Variants in FRMD3 observed in about 807,000 individuals in gnomAD.
FRMD3 encodes the protein FERM domain-containing protein 3.
In FRMD3, 33 loss-of-function variants were observed where a neutral mutation model predicts 70.2. The ratio of observed to expected loss-of-function variants is 0.47; its 90% CI spans 0.36 to 0.63. The LOEUF (loss-of-function observed/expected upper bound fraction) is 0.63. Among genes scored for constraint, FRMD3 ranks in the 20% least tolerant of loss-of-function variants. The probability of loss-of-function intolerance (pLI) is 0.00; values close to 1 mark genes in which losing one functional copy is unlikely to be tolerated. For synonymous variants in FRMD3, 279 were observed against 255.9 expected, an observed-to-expected ratio of 1.09 and a Z score of -0.86; for missense variants, 632 against 711.4, an observed-to-expected ratio of 0.89 and a Z score of 1.27.
intron 1 of FRMD3, among the ~76,000 whole-genome samples, chr9:83,483,901 G>A (rs1217833547): frequency 6.6e-6 from 1 of 152,024 alleles, no homozygotes; most frequent in African/African-American, 2.4e-5. Context: ...GAATCCAAGG[G>A]CATGTTCTGA....
rs114719310 is a variant in FRMD3, at chr9:83,410,214, G to A, written c.148-20506C>T. On this transcript the variant is annotated intron_variant, in intron 1 of 13. Transcript: ENST00000304195. Reference sequence around the variant, plus strand: ...GGTTTGTTACCCGGGAATACCGCATGATGCTGAGGTTTGGGGTATGACTGA... The same window carrying A: ...GGTTTGTTACCCGGGAATACCGCATAATGCTGAGGTTTGGGGTATGACTGA... 5.7e-3 allele frequency among the ~76,000 whole-genome samples: 862 copies of A among 152,276 alleles called. 10 individuals are homozygous for A. Among genetic ancestry groups the A allele is most frequent in the African/African-American group, 0.019 (780 of 41,554 alleles).
chr9:83,311,752 C>G (rs1835364650), intron 8 of FRMD3, 135 bp downstream of exon 8: 3 of 709,750 alleles, frequency 4.2e-6, no homozygotes, highest in Non-Finnish European at 7.4e-6. Context: ...ATGTTACATC[C>G]CTTTATGATG....
chr9:83,504,374 A>G (rs1829137087), intron 1 of FRMD3, among the ~76,000 whole-genome samples: 2 of 152,122 alleles, frequency 1.3e-5, no homozygotes. Flanking sequence ...TTAAAAACAC[A>G]AGACAGACCA....
intron 3 of FRMD3, among the ~76,000 whole-genome samples, chr9:83,369,577 A>AAAATAAATAAATAAAT (rs138276429): frequency 1.3e-4 from 18 of 142,120 alleles, no homozygotes; most frequent in East Asian, 2.1e-4. Flanking sequence ...ACTCTGTCTC[A>AAAATAAATAAATAAAT]AAATAAATAA....
intron 3 of FRMD3, among the ~76,000 whole-genome samples, chr9:83,355,906 A>C (rs1038976084): frequency 6.6e-6 from 1 of 152,204 alleles, no homozygotes. Context: ...TGCACTGAGA[A>C]CAGCAGGGCT....
At chr9:83,477,684 A>C (rs2131469828) in intron 1 of FRMD3, among the ~76,000 whole-genome samples, 1 of 152,266 alleles carries the variant, frequency 6.6e-6, no homozygotes, top group South Asian at 2.1e-4. Flanking sequence ...CTGGAGAGGA[A>C]GAGTATTCTG....
chr9:83,562,866 A>C, the FRMD3 span, among the ~76,000 whole-genome samples: 2 of 152,134 alleles, frequency 1.3e-5, no homozygotes, highest in African/African-American at 4.8e-5. Context: ...TGAGGACAGA[A>C]ACCATGTCTG....
chr9:83,542,122 T>C (rs1830006809), upstream of FRMD3, among the ~76,000 whole-genome samples: 1 of 152,072 alleles, frequency 6.6e-6, no homozygotes, highest in African/African-American at 2.4e-5. Flanking sequence ...ATGTCAGCCA[T>C]AGCAGTGGCT....
Position 83,331,933 on chromosome 9 carries a change from A to G in FRMD3, c.596+3583T>C, listed in dbSNP as rs1021447359. 1.8e-5 allele frequency: 13 copies of G among 713,594 alleles called. No individual in the cohort carries two copies. In the African/African-American group the frequency reaches 2.3e-4, roughly 12 times the overall value. The allele number at this position is 713,594 out of a possible 1,614,324, so 44.2% of individuals were successfully genotyped here. On this transcript the variant is annotated intron_variant, in intron 6 of 13. Transcript: ENST00000304195. The stretch of plus-strand genomic sequence containing the variant: ...TCCTGATCAGAGAGTTGTAAGCAGA[A>G]GTGCTATGAATCACTTCCGAAATGA...
chr9:83,448,202 C>T (rs1195035193), intron 1 of FRMD3, among the ~76,000 whole-genome samples: 1 of 152,178 alleles, frequency 6.6e-6, no homozygotes, highest in Non-Finnish European at 1.5e-5. Context: ...AAATACACTT[C>T]TCTAAGAAAC....
intron 10 of FRMD3, among the ~76,000 whole-genome samples, chr9:83,309,156 T>C (rs952883735): frequency 1.3e-5 from 2 of 152,076 alleles, no homozygotes; most frequent in South Asian, 4.2e-4. Context: ...CCAAATAAGC[T>C]ACTTGTACCA....
the FRMD3 span, among the ~76,000 whole-genome samples, chr9:83,546,865 C>T: frequency 1.7e-5 from 2 of 115,328 alleles, no homozygotes; most frequent in African/African-American, 6.7e-5. Context: ...GCACTCCAGC[C>T]TAGCGACAGA....
chr9:83,276,609 C>T (rs1304111874), intron 13 of FRMD3: 1 of 152,230 alleles, frequency 6.6e-6, no homozygotes, highest in Non-Finnish European at 1.5e-5. Context: ...GGGCATCTTT[C>T]TCTCTTGCAT....
At chr9:83,526,907 G>A (rs1011667766) in intron 1 of FRMD3, among the ~76,000 whole-genome samples, 2 of 147,598 alleles carry the variant, frequency 1.4e-5, no homozygotes, top group African/African-American at 5.0e-5. Context: ...TTGCTAAAGT[G>A]GTCCCCTCCT....
downstream of FRMD3, chr9:83,243,077 G>A: frequency 1.2e-6 from 1 of 868,628 alleles, no homozygotes; most frequent in South Asian, 1.5e-5. Flanking sequence ...CTTCTGTGAA[G>A]TGACGGCTGC....
chr9:83,267,181 C>G (rs1833306830), intron 13 of FRMD3: 3 of 1,550,396 alleles, frequency 1.9e-6, no homozygotes, highest in African/African-American at 1.4e-5. Context: ...CCTGCATGGC[C>G]CAGGGCAGCC....
chr9:83,394,557 A>T (rs922516937), intron 1 of FRMD3, among the ~76,000 whole-genome samples: 27 of 152,174 alleles, frequency 1.8e-4, no homozygotes, highest in Non-Finnish European at 3.8e-4. Context: ...TCAATAAATG[A>T]CAGCTATATA....
chr9:83,551,910 C>CAA, the FRMD3 span, among the ~76,000 whole-genome samples: 78 of 143,666 alleles, frequency 5.4e-4, no homozygotes, highest in South Asian at 1.3e-3. Flanking sequence ...TGATTTTTTT[C>CAA]AAAAAAAAAA....
chr9:83,479,709 A>G (rs1564096880), intron 1 of FRMD3, among the ~76,000 whole-genome samples: 1 of 83,584 alleles, frequency 1.2e-5, no homozygotes, highest in African/African-American at 6.2e-5. Flanking sequence ...AGAAAGAAAG[A>G]AAGAAAGAAA....
Sources: allele counts gnomAD v4.1 joint callset (sites outside exome capture counted in the v4.1 genomes callset), GRCh38; gene constraint gnomAD v4.1.1; transcripts MANE v1.5; gene names NCBI Gene and HGNC (gene_info 2026-07-23, HGNC 2026-07-21).